GANC: variants seen among roughly 807,000 people sequenced by gnomAD.
GANC encodes the protein glucosidase alpha, neutral C, also known as neutral alpha-glucosidase C.
Under a neutral mutation model 124.2 loss-of-function variants are expected in GANC, and 117 were observed. The ratio of observed to expected loss-of-function variants is 0.94; its 90% CI spans 0.81 to 1.10. GANC has a LOEUF of 1.10. GANC is among the 50% of genes least tolerant of loss of function. The pLI, the probability that GANC is intolerant of heterozygous loss-of-function variation, is 0.00. For synonymous variants in GANC, 377 were observed against 376.8 expected (o/e 1.00, Z -0.01); for missense variants, 1,140 against 1,095.0 (o/e 1.04, Z -0.58).
chr15:42,287,147 G>A (rs911922765), intron 3 of GANC, among the ~76,000 whole-genome samples: 1 of 152,156 alleles, frequency 6.6e-6, no homozygotes, highest in Non-Finnish European at 1.5e-5. Flanking sequence ...TCCCAGCTGT[G>A]AAAAATCAAT....
At chr15:42,291,151 A>G (rs910086105) in intron 4 of GANC, among the ~76,000 whole-genome samples, 1 of 152,190 alleles carries the variant, frequency 6.6e-6, no homozygotes, top group Non-Finnish European at 1.5e-5. Context: ...ATAAGACTAT[A>G]TAATGCAAAA....
Position 42,308,352 on chromosome 15 carries a change from T to C in GANC, c.722+34T>C, listed in dbSNP as rs199517317. On this transcript the variant is annotated intron_variant, in intron 8 of 23. Coordinates refer to ENST00000318010, the MANE Select transcript of GANC (RefSeq NM_198141.3). ...AAACAAGAATTCTTATGGGAGTCTC[T>C]GGTTTTTGTATTGAGATGATCTGAA... The C allele has an allele frequency of 2.2e-4, 302 of 1,400,604 alleles. 1 individual carries two copies. In the African/African-American group the frequency reaches 3.7e-3, roughly 17 times the overall value. 86.8% of individuals were successfully genotyped at this position (1,400,604 alleles called of 1,614,324 possible).
chr15:42,333,201 G>A (rs987423355), intron 15 of GANC, among the ~76,000 whole-genome samples: 1 of 149,802 alleles, frequency 6.7e-6, no homozygotes, highest in Non-Finnish European at 1.5e-5. Context: ...AGTGGCACAT[G>A]CCTGTAGTCC....
At chr15:42,313,964 C>CAACAACAA (rs2052079913) in intron 10 of GANC, 2 of 652,042 alleles carry the variant, frequency 3.1e-6, no homozygotes, top group East Asian at 5.4e-5. Flanking sequence ...AAAACAACAG[C>CAACAACAA]AACAACAACA....
chr15:42,315,054 G>A (rs1025696726), intron 10 of GANC, among the ~76,000 whole-genome samples: 2 of 152,242 alleles, frequency 1.3e-5, no homozygotes, highest in South Asian at 2.1e-4. Flanking sequence ...TCAAAGGCAC[G>A]TACTCAGTAT....
intron 16 of GANC, among the ~76,000 whole-genome samples, chr15:42,339,388 G>A (rs955525189): frequency 1.3e-5 from 2 of 151,050 alleles, no homozygotes; most frequent in Non-Finnish European, 2.9e-5. Flanking sequence ...ATTTTTCAGT[G>A]TCTGGGTTAT....
intron 6 of GANC, among the ~76,000 whole-genome samples, chr15:42,298,725 G>C (rs1015524106): frequency 6.6e-6 from 1 of 152,008 alleles, no homozygotes; most frequent in Non-Finnish European, 1.5e-5. Flanking sequence ...TTGTGTTCTC[G>C]CTTATTTCCT....
intron 22 of GANC, among the ~76,000 whole-genome samples, chr15:42,350,748 G>A (rs2052425466): frequency 6.6e-6 from 1 of 150,978 alleles, no homozygotes; most frequent in African/African-American, 2.4e-5. Context: ...TAGAGACGGG[G>A]TTTCGTCATG....
At chr15:42,281,782 A>G (rs2051736737) in intron 3 of GANC, among the ~76,000 whole-genome samples, 1 of 152,266 alleles carries the variant, frequency 6.6e-6, no homozygotes, top group South Asian at 2.1e-4. Context: ...GGCTGTACTA[A>G]TAAAGTGAAT....
intron 8 of GANC, among the ~76,000 whole-genome samples, chr15:42,308,989 C>T (rs2141043582): frequency 6.6e-6 from 1 of 152,042 alleles, no homozygotes; most frequent in South Asian, 2.1e-4. Context: ...AATCACTGAC[C>T]CAGAAAAAGG....
At chr15:42,282,089 G>T (rs1048660991) in intron 3 of GANC, among the ~76,000 whole-genome samples, 1 of 152,156 alleles carries the variant, frequency 6.6e-6, no homozygotes, top group African/African-American at 2.4e-5. Flanking sequence ...TTGGTAGGCC[G>T]AGGCGGGCAG....
At chr15:42,275,177 C>G (rs1428871164) in intron 1 of GANC, among the ~76,000 whole-genome samples, 1 of 152,060 alleles carries the variant, frequency 6.6e-6, no homozygotes, top group African/African-American at 2.4e-5. Flanking sequence ...GGAGTTCAGA[C>G]CAGCCTGGGC....
chr15:42,275,566 A>C (rs1156610334), intron 1 of GANC, among the ~76,000 whole-genome samples: 1 of 88,098 alleles, frequency 1.1e-5, no homozygotes, highest in African/African-American at 3.6e-5. Flanking sequence ...ACACTAGTGC[A>C]TGAAAGCCGG....
chr15:42,314,437 T>C, intron 10 of GANC: 1 of 341,894 alleles, frequency 2.9e-6, no homozygotes, highest in South Asian at 2.9e-5. Context: ...GATTTCTATC[T>C]GAGCTTGTGA....
chr15:42,274,075 G>A lies in GANC; in HGVS notation c.-407G>A. The A allele has an allele frequency of 4.2e-6, 1 of 236,392 alleles. No individual in the cohort carries two copies. The highest frequency in any genetic ancestry group is 8.3e-6 in the Non-Finnish European group (1 of 119,768). 14.6% of individuals were successfully genotyped at this position (236,392 alleles called of 1,614,324 possible). A position where few individuals can be genotyped will look rare whatever the true frequency, so the allele number is the denominator to read the frequency against. Reference sequence around the variant, plus strand: ...TTTTCAAAATCTGTGGCGTGACCCCGCCACTGAGATAGATCTGCAGATGCT... The same window carrying A: ...TTTTCAAAATCTGTGGCGTGACCCCACCACTGAGATAGATCTGCAGATGCT... On this transcript the variant is annotated 5_prime_UTR_variant, in exon 1 of 24. Coordinates refer to ENST00000318010, the MANE Select transcript of GANC (RefSeq NM_198141.3).
intron 8 of GANC, among the ~76,000 whole-genome samples, chr15:42,308,877 A>T (rs942824518): frequency 7.9e-5 from 12 of 152,152 alleles, no homozygotes; most frequent in African/African-American, 2.4e-4. Flanking sequence ...AAGTAAAATT[A>T]TGGAGCTGCT....
chr15:42,278,940 A>T (rs1193320805), intron 3 of GANC, among the ~76,000 whole-genome samples: 7 of 152,202 alleles, frequency 4.6e-5, no homozygotes, highest in African/African-American at 1.7e-4. Flanking sequence ...GGCTGCAGTG[A>T]GCCATGATAG....
chr15:42,327,169 A>C (rs1371609992), intron 12 of GANC, among the ~76,000 whole-genome samples, 194 bp from the exon 13 acceptor site: 4 of 152,162 alleles, frequency 2.6e-5, no homozygotes, highest in Non-Finnish European at 5.9e-5. Flanking sequence ...CTGGTATTGA[A>C]AGATCTAGTG....
At chr15:42,295,639 GACACACACACACACACACACAC>G (rs60220273) in intron 5 of GANC, among the ~76,000 whole-genome samples, 17 of 137,720 alleles carry the variant, frequency 1.2e-4, no homozygotes, top group East Asian at 2.1e-4. Flanking sequence ...CTTTATTATA[GACACACACACACACACACACAC>G]ACACACACAC....
Sources: gnomAD v4.1 joint callset for allele counts (sites outside exome capture counted in the v4.1 genomes callset) on GRCh38, gnomAD v4.1.1 for gene constraint, MANE v1.5 for transcripts, NCBI Gene and HGNC (gene_info 2026-07-23, HGNC 2026-07-21) for gene names.